The following PMPCA variants were observed in gnomAD, a reference collection of about 807,000 sequenced individuals.
PMPCA encodes the protein peptidase, mitochondrial processing subunit alpha.
A neutral mutation model predicts 59.3 loss-of-function variants in PMPCA; 47 were observed. The observed-to-expected ratio is 0.79, with a 90% confidence interval of 0.63 to 1.01. The LOEUF (loss-of-function observed/expected upper bound fraction) is 1.01. Among genes scored for constraint, PMPCA ranks in the 50% least tolerant of loss-of-function variants. PMPCA has a pLI of 0.00. For missense variants in PMPCA, 726 were observed against 704.5 expected (o/e 1.03, Z -0.34); for synonymous variants, 338 against 290.3 (o/e 1.16, Z -1.67).
At chr9:136,422,792 G>A (rs967070726) in intron 12 of PMPCA, 19 of 1,174,636 alleles carry the variant, frequency 1.6e-5, no homozygotes, top group Non-Finnish European at 1.8e-5. Context: ...TCTGCAGGCC[G>A]TCCTAAAGTG....
Position 136,417,061 on chromosome 9 carries a change from C to G in PMPCA, c.744C>G (p.Pro248=). Residue 248 remains proline, a synonymous_variant, in exon 7 of 13, where the codon CCC becomes CCG. Transcript: ENST00000371717. ...CCTACCTGAGGAACTACTACACTCC[C>G]GACCGCATGGTGCTGGCCGGCGTGG... ...LHSYLRNYYT[P]DRMVLAGVGV... is the part of the protein sequence containing the mutation. 6.2e-7 allele frequency: 1 copy of G among 1,614,016 alleles called. No individual in the cohort carries two copies. The highest frequency in any genetic ancestry group is 8.5e-7 in the Non-Finnish European group (1 of 1,180,034).
At chr9:136,419,496 G>A in intron 11 of PMPCA, 1 of 358,880 alleles carries the variant, frequency 2.8e-6, no homozygotes. Flanking sequence ...CTGGGGTGAA[G>A]CAGCTCGCAC....
At chr9:136,416,892 T>C (rs1835291469) in intron 6 of PMPCA, 59 bp from the exon 7 acceptor site, 2 of 1,526,208 alleles carry the variant, frequency 1.3e-6, no homozygotes, top group Non-Finnish European at 8.9e-7. Flanking sequence ...TGCTGCTTGT[T>C]GGAGGAAGCC....
intron 3 of PMPCA, 41 bp from the exon 4 acceptor site, chr9:136,412,769 C>A: frequency 8.3e-7 from 1 of 1,211,666 alleles, no homozygotes; most frequent in Non-Finnish European, 1.2e-6. Flanking sequence ...TCAGGGATAG[C>A]CTGGATTGCT....
Position 136,413,587 on chromosome 9 carries a change from A to G in PMPCA, c.437+695A>G, listed in dbSNP as rs76219520. Among the ~76,000 whole-genome samples the G allele has an allele frequency of 4.7e-3, 712 of 152,310 alleles. 3 individuals carry two copies. Among genetic ancestry groups the G allele is most frequent in the African/African-American group, 0.016 (664 of 41,556 alleles). On this transcript the variant is annotated intron_variant, in intron 4 of 12. Transcript: ENST00000371717. ...AAGTTAGCTTGGAGGTAACATATTCATGTTCTAAAACAAGGCCTCTTAATA... is the reference window on the plus strand; with the variant it reads ...AAGTTAGCTTGGAGGTAACATATTCGTGTTCTAAAACAAGGCCTCTTAATA...
chr9:136,421,797 G>A (rs143517753), intron 11 of PMPCA, 35 bp from the exon 12 acceptor site: 590 of 1,546,980 alleles, frequency 3.8e-4, no homozygotes, highest in Middle Eastern at 1.4e-3. Context: ...GGCACGGGGC[G>A]GGTGTGTGCT....
Position 136,412,136 on chromosome 9 carries a change from A to G in PMPCA, c.211A>G (p.Thr71Ala), listed in dbSNP as rs1835143620. Residue 71 changes from threonine (T) to alanine (A), a missense_variant, in exon 2 of 13, where the codon ACA becomes GCA. Transcript: ENST00000371717. ...GQEKFETKVT[T>A]LDNGLRVASQ... ...GGAAAAGTTTGAAACCAAAGTAACC[A>G]CATTGGATAATGGGCTTCGCGTGGC... 1 of 1,614,102 alleles carries G rather than the reference A, an allele frequency of 6.2e-7. No homozygotes were observed. The highest frequency in any genetic ancestry group is 8.5e-7 in the Non-Finnish European group (1 of 1,179,966).
At chr9:136,417,359 C>G in intron 7 of PMPCA, 145 bp downstream of exon 7, 1 of 624,056 alleles carries the variant, frequency 1.6e-6, no homozygotes, top group Non-Finnish European at 2.7e-6. Flanking sequence ...AGTCCCACAG[C>G]AGGGCATGGA....
chr9:136,411,938 G>T, intron 1 of PMPCA, 59 bp from the exon 2 acceptor site: 1 of 955,300 alleles, frequency 1.0e-6, no homozygotes, highest in South Asian at 1.3e-5. Flanking sequence ...GCACCTAACA[G>T]GTCATCACAG....
Position 136,417,145 on chromosome 9 carries a change from G to C in PMPCA, c.828G>C (p.Pro276=). 1 of 1,612,932 alleles carries C rather than the reference G, an allele frequency of 6.2e-7. No individual in the cohort carries two copies. The highest frequency in any genetic ancestry group is 8.5e-7 in the Non-Finnish European group (1 of 1,179,410). ...CARKYLLGVQ[P]AWGSAEAVDI... is the part of the protein sequence containing the mutation. ...GGAAGTACCTCCTGGGGGTCCAGCC[G>C]GCCTGGGGGAGCGCAGAGGCCGTGG... Residue 276 remains proline (P), a synonymous_variant, in exon 7 of 13, where the codon CCG becomes CCC. Transcript: ENST00000371717.
chr9:136,417,170 G>A lies in PMPCA; in HGVS notation c.853G>A (p.Asp285Asn), dbSNP rs1205766493. 2 of 1,607,540 alleles carry A rather than the reference G, an allele frequency of 1.2e-6. No individual in the cohort carries two copies. Among genetic ancestry groups the A allele is most frequent in the African/African-American group, 2.7e-5 (2 of 74,832 alleles). ...QPAWGSAEAVDIDRSVAQYTG... is the reference protein window; with the variant it reads ...QPAWGSAEAVNIDRSVAQYTG... ...GGCCTGGGGGAGCGCAGAGGCCGTG[G>A]ATATTGACAGATCTGTGGCCCAGTA... is the stretch of plus-strand genomic sequence containing the variant. Residue 285 changes from aspartate to asparagine, a missense_variant, in exon 7 of 13, where the codon GAT becomes AAT. Coordinates refer to ENST00000371717, the MANE Select transcript of PMPCA (RefSeq NM_015160.3).
At chr9:136,420,588 T>G (rs1403969475) in intron 11 of PMPCA, 1 of 152,208 alleles carries the variant, frequency 6.6e-6, no homozygotes, top group East Asian at 1.9e-4. Context: ...CTGGGATTAC[T>G]TTGGGATCCC....
intron 4 of PMPCA, 44 bp from the exon 5 acceptor site, chr9:136,414,507 AGT>A (rs1554789456): frequency 1.6e-6 from 2 of 1,275,588 alleles, no homozygotes; most frequent in African/African-American, 1.5e-5. Context: ...TGTTAAGCAG[AGT>A]GTGAGTTCAG....
rs1564418372 is a variant in PMPCA, at chr9:136,412,212, G to A, written c.274+13G>A. ...TGTACAGTAGGAAGTAAGTACTGTT[G>A]TGTTGTCGTGGGTGGTCCCGCAGTT... On this transcript the variant is annotated intron_variant, in intron 2 of 12. Transcript: ENST00000371717. 6.3e-7 allele frequency: 1 copy of A among 1,586,884 alleles called. No individual in the cohort carries two copies. The highest frequency in any genetic ancestry group is 8.7e-7 in the Non-Finnish European group (1 of 1,155,284).
At position 136,423,243 on chromosome 9, in the gene PMPCA, G is replaced by C; in HGVS notation, c.1557G>C (p.Arg519Ser). 6.2e-7 allele frequency: 1 copy of C among 1,612,926 alleles called. No homozygotes were observed. Among genetic ancestry groups the C allele is most frequent in the Non-Finnish European group, 8.5e-7 (1 of 1,179,868 alleles). ...CGAGTAAGGACGGGCGCCTGCCCAGGACGTACCGGCTCTTCCGGTAGAACC... is the reference window on the plus strand; with the variant it reads ...CGAGTAAGGACGGGCGCCTGCCCAGCACGTACCGGCTCTTCCGGTAGAACC... ...ALSSKDGRLPRTYRLFR is the reference protein window; with the variant it reads ...ALSSKDGRLPSTYRLFR Residue 519 changes from arginine to serine, a missense_variant, in exon 13 of 13, where the codon AGG becomes AGC. By Grantham distance (110) the Arg-to-Ser change is moderately radical. Coordinates refer to ENST00000371717, the MANE Select transcript of PMPCA (RefSeq NM_015160.3).
In PMPCA at chr9:136,423,548, G is replaced by C. The variant is rs1199776947; in HGVS notation, c.*284G>C. The C allele has an allele frequency of 3.7e-5, 14 of 373,818 alleles. No individual in the cohort carries two copies. Among genetic ancestry groups the C allele is most frequent in the Non-Finnish European group, 5.5e-5 (11 of 200,366 alleles). 23.2% of individuals were successfully genotyped at this position (373,818 alleles called of 1,614,324 possible). ...CGGTCGGTGCTTCCCTCCTCGGGCT[G>C]TGGGCACATGGGGCCCCGCAGGTTC... On this transcript the variant is annotated 3_prime_UTR_variant, in exon 13 of 13. Transcript: ENST00000371717.
intron 4 of PMPCA, among the ~76,000 whole-genome samples, chr9:136,413,673 T>G (rs1203271861): frequency 6.6e-6 from 1 of 152,200 alleles, no homozygotes; most frequent in Non-Finnish European, 1.5e-5. Flanking sequence ...TCTCCGACTC[T>G]TGCCTCGAAT....
intron 5 of PMPCA, chr9:136,415,960 G>A (rs923773520): frequency 1.1e-5 from 4 of 355,946 alleles, no homozygotes; most frequent in East Asian, 5.3e-5. Flanking sequence ...GCACCTTCAT[G>A]TCTGGTCTCG....
intron 9 of PMPCA, 53 bp from the exon 10 acceptor site, chr9:136,418,775 T>C (rs1363982383): frequency 6.5e-6 from 10 of 1,529,692 alleles, no homozygotes; most frequent in Middle Eastern, 1.7e-4. Flanking sequence ...CAGTTTCCCA[T>C]GGCCTGATCC....
Sources: gnomAD v4.1 joint callset for allele counts (sites outside exome capture counted in the v4.1 genomes callset) on GRCh38, gnomAD v4.1.1 for gene constraint, MANE v1.5 for transcripts, NCBI Gene and HGNC (gene_info 2026-07-23, HGNC 2026-07-21) for gene names.